Variants in NEK11 observed in about 807,000 individuals in gnomAD.
NEK11 encodes NIMA related kinase 11, also known as serine/threonine-protein kinase Nek11.
NEK11 carries 72 observed loss-of-function variants against 80.7 expected under a neutral mutation model. The ratio of observed to expected loss-of-function variants is 0.89; its 90% CI spans 0.74 to 1.08. The LOEUF (loss-of-function observed/expected upper bound fraction) is 1.08. NEK11 is among the 50% of genes least tolerant of loss of function. The pLI is 0.00. For synonymous variants in NEK11, 251 were observed against 260.7 expected, an observed-to-expected ratio of 0.96 and a Z score of 0.36; for missense variants, 764 against 763.6, an observed-to-expected ratio of 1.00 and a Z score of -0.01.
At chr3:131,347,689 G>A (rs1169612954) in intron 17 of NEK11, among the ~76,000 whole-genome samples, 2 of 152,142 alleles carry the variant, frequency 1.3e-5, no homozygotes, top group Non-Finnish European at 1.5e-5. Flanking sequence ...GGAGGCCAAG[G>A]TGGGCCTGTA....
intron 4 of NEK11, among the ~76,000 whole-genome samples, chr3:131,094,520 T>C (rs1360711937): frequency 2.0e-5 from 3 of 152,208 alleles, no homozygotes; most frequent in African/African-American, 7.2e-5. Flanking sequence ...CTTTGCCTAA[T>C]ACCATTGTGT....
intron 14 of NEK11, among the ~76,000 whole-genome samples, chr3:131,188,824 C>T (rs1313419477): frequency 6.6e-6 from 1 of 151,834 alleles, no homozygotes; most frequent in Non-Finnish European, 1.5e-5. Context: ...CAAAGTGTTT[C>T]ATTACTTCCT....
rs562556817 is a variant in NEK11, at chr3:131,092,894, C to A, written c.336+12306C>A. 5.3e-5 allele frequency: 8 copies of A among 152,256 alleles called. No individual in the cohort carries two copies. In the East Asian group the frequency reaches 1.3e-3, roughly 26 times the overall value. 9.4% of individuals were successfully genotyped at this position (152,256 alleles called of 1,614,324 possible). A position where few individuals can be genotyped will look rare whatever the true frequency, so the allele number is the denominator to read the frequency against. On this transcript the variant is annotated intron_variant, in intron 4 of 17. Coordinates refer to ENST00000383366, the MANE Select transcript of NEK11 (RefSeq NM_024800.5). ...CCATTCTAACCTCCTCTGTATCATT[C>A]CAATTTTAGTATATGTGCTGCCAAA...
At chr3:131,138,544 C>A (rs1168134648) in intron 7 of NEK11, among the ~76,000 whole-genome samples, 1 of 152,084 alleles carries the variant, frequency 6.6e-6, no homozygotes, top group Non-Finnish European at 1.5e-5. Flanking sequence ...GCTTGTAGAG[C>A]TCCAGGGCCT....
chr3:131,151,998 A>T (rs1014559039), intron 7 of NEK11, among the ~76,000 whole-genome samples: 1 of 152,222 alleles, frequency 6.6e-6, no homozygotes, highest in Admixed American at 6.5e-5. Context: ...TATTTTGCAT[A>T]TATAAAATTA....
At chr3:131,183,718 C>G (rs1338765978) in intron 14 of NEK11, among the ~76,000 whole-genome samples, 1 of 152,128 alleles carries the variant, frequency 6.6e-6, no homozygotes, top group African/African-American at 2.4e-5. Context: ...CATGTCTTTG[C>G]TATTGTGAAT....
chr3:131,118,705 G>A (rs2081772069), intron 5 of NEK11, among the ~76,000 whole-genome samples: 1 of 152,146 alleles, frequency 6.6e-6, no homozygotes, highest in African/African-American at 2.4e-5. Context: ...TCTTGGGAGG[G>A]TGTATGTGTC....
At chr3:131,154,946 C>A (rs2090394842) in intron 9 of NEK11, 90 bp from the exon 10 acceptor site, 3 of 781,390 alleles carry the variant, frequency 3.8e-6, no homozygotes, top group Non-Finnish European at 4.3e-6. Context: ...GTCAAAAGCA[C>A]CCCAAATCTG....
chr3:131,306,317 C>G (rs1453214394), intron 17 of NEK11, among the ~76,000 whole-genome samples: 2 of 152,044 alleles, frequency 1.3e-5, no homozygotes, highest in Non-Finnish European at 1.5e-5. Context: ...AGTAAAAACT[C>G]TGCTGTAAAT....
chr3:131,288,607 C>T (rs565193682), intron 17 of NEK11, among the ~76,000 whole-genome samples: 9 of 151,878 alleles, frequency 5.9e-5, no homozygotes, highest in East Asian at 3.9e-4. Context: ...CATGCACCAC[C>T]GTGCCTGGCT....
chr3:131,070,327 A>T (rs2073040328), intron 3 of NEK11, among the ~76,000 whole-genome samples: 1 of 152,158 alleles, frequency 6.6e-6, no homozygotes, highest in African/African-American at 2.4e-5. Flanking sequence ...GCTCAGTTGA[A>T]CTTTTAAAAA....
At chr3:131,075,570 G>A (rs139786450) in intron 3 of NEK11, among the ~76,000 whole-genome samples, 21 of 152,176 alleles carry the variant, frequency 1.4e-4, no homozygotes, top group African/African-American at 5.1e-4. Flanking sequence ...TATTAAAAGA[G>A]ATGAAATAAC....
At chr3:131,342,184 GGA>G (rs2097297108) in intron 17 of NEK11, among the ~76,000 whole-genome samples, 1 of 152,162 alleles carries the variant, frequency 6.6e-6, no homozygotes, top group Admixed American at 6.5e-5. Context: ...GCCTGCTTCT[GGA>G]GAGAGAGCTG....
At chr3:131,334,250 G>A (rs1436336547) in intron 17 of NEK11, among the ~76,000 whole-genome samples, 4 of 152,122 alleles carry the variant, frequency 2.6e-5, no homozygotes, top group Admixed American at 6.5e-5. Flanking sequence ...TAAAAGAACA[G>A]AAATTATAAC....
At chr3:131,058,022 G>A (rs1305071181) in intron 3 of NEK11, among the ~76,000 whole-genome samples, 1 of 151,856 alleles carries the variant, frequency 6.6e-6, no homozygotes, top group African/African-American at 2.4e-5. Flanking sequence ...ATGGTTTTAG[G>A]TCTAACATTT....
Position 131,260,736 on chromosome 3 carries a change from G to A in NEK11, c.1622-12742G>A, listed in dbSNP as rs144733993. Reference sequence around the variant, plus strand: ...ATATGAGCCATGAGGATATACTTTTGCAATAATTTGGCAAAGAGTGGTATC... The same window carrying A: ...ATATGAGCCATGAGGATATACTTTTACAATAATTTGGCAAAGAGTGGTATC... On this transcript the variant is annotated intron_variant, in intron 16 of 17. Transcript: ENST00000383366. Among the ~76,000 whole-genome samples the A allele has an allele frequency of 1.3e-3, 197 of 152,210 alleles. 1 individual carries two copies. The highest frequency in any genetic ancestry group is 4.6e-3 in the African/African-American group (191 of 41,538).
chr3:131,114,805 A>T (rs891931600), intron 5 of NEK11, among the ~76,000 whole-genome samples: 4 of 152,242 alleles, frequency 2.6e-5, no homozygotes, highest in African/African-American at 7.2e-5. Flanking sequence ...TCTACAAAGC[A>T]TTATTCTAGT....
rs78247934 is a variant in NEK11, at chr3:131,087,137, G to A, written c.336+6549G>A. Reference sequence around the variant, plus strand: ...TTACTCACCCCCCTTTCCTCCCTCCGGCTGTTTTCTAGAAGTAAAGCTAGT... The same window carrying A: ...TTACTCACCCCCCTTTCCTCCCTCCAGCTGTTTTCTAGAAGTAAAGCTAGT... On this transcript the variant is annotated intron_variant, in intron 4 of 17. Coordinates refer to ENST00000383366, the MANE Select transcript of NEK11 (RefSeq NM_024800.5). Among the ~76,000 whole-genome samples the A allele has an allele frequency of 5.0e-3, 759 of 151,876 alleles. 13 individuals carry two copies. Among genetic ancestry groups the A allele is most frequent in the African/African-American group, 0.017 (714 of 41,388 alleles).
intron 17 of NEK11, among the ~76,000 whole-genome samples, chr3:131,341,227 T>C (rs2097280295): frequency 6.6e-6 from 1 of 152,136 alleles, no homozygotes; most frequent in African/African-American, 2.4e-5. Flanking sequence ...AGAACACCTA[T>C]AGCTTTTCTG....
Sources: allele counts gnomAD v4.1 joint callset (sites outside exome capture counted in the v4.1 genomes callset), GRCh38; gene constraint gnomAD v4.1.1; transcripts MANE v1.5; gene names NCBI Gene and HGNC (gene_info 2026-07-23, HGNC 2026-07-21).